The following GALNT13 variants were observed in gnomAD, a reference collection of about 807,000 sequenced individuals.
GALNT13 encodes polypeptide N-acetylgalactosaminyltransferase 13.
Under a neutral mutation model 64.2 loss-of-function variants are expected in GALNT13, and 28 were observed. That is an observed-to-expected ratio of 0.44 (90% CI 0.32 to 0.60). GALNT13 has a LOEUF of 0.60. Ranked by LOEUF, GALNT13 falls within the 20% of genes least tolerant of loss-of-function variation. GALNT13 has a pLI of 0.05. For missense variants in GALNT13, 577 were observed against 669.8 expected, an observed-to-expected ratio of 0.86 and a Z score of 1.53; for synonymous variants, 214 against 224.6, an observed-to-expected ratio of 0.95 and a Z score of 0.42.
the GALNT13 span, among the ~76,000 whole-genome samples, chr2:153,136,505 C>T: frequency 3.3e-5 from 5 of 151,964 alleles, no homozygotes; most frequent in Non-Finnish European, 5.9e-5. Flanking sequence ...AGGAGGAATG[C>T]ACAGTTAGTA....
At chr2:154,179,964 A>G (rs1293615580) in intron 4 of GALNT13, among the ~76,000 whole-genome samples, 1 of 152,146 alleles carries the variant, frequency 6.6e-6, no homozygotes, top group Non-Finnish European at 1.5e-5. Flanking sequence ...TAGCTGACTT[A>G]GAGTGCATTT....
At chr2:153,970,520 C>T (rs1425194377) in intron 3 of GALNT13, among the ~76,000 whole-genome samples, 1 of 152,160 alleles carries the variant, frequency 6.6e-6, no homozygotes. Flanking sequence ...TTAGTGATCT[C>T]TTTGAATATA....
the GALNT13 span, among the ~76,000 whole-genome samples, chr2:153,391,380 T>C: frequency 2.0e-5 from 3 of 152,086 alleles, no homozygotes; most frequent in African/African-American, 7.2e-5. Context: ...AGTCGAGCTA[T>C]GCGGCTACTC....
At chr2:153,166,429 A>G in the GALNT13 span, among the ~76,000 whole-genome samples, 1 of 152,164 alleles carries the variant, frequency 6.6e-6, no homozygotes, top group Non-Finnish European at 1.5e-5. Context: ...ATTAAAAAAC[A>G]TTCCTCCCAA....
At chr2:154,306,006 A>G (rs1039187041) in intron 9 of GALNT13, among the ~76,000 whole-genome samples, 2 of 152,148 alleles carry the variant, frequency 1.3e-5, no homozygotes, top group Non-Finnish European at 2.9e-5. Context: ...TGAATTATCC[A>G]TGGGTGTCTG....
the GALNT13 span, among the ~76,000 whole-genome samples, chr2:153,240,901 A>T: frequency 6.6e-6 from 1 of 152,104 alleles, no homozygotes; most frequent in Non-Finnish European, 1.5e-5. Context: ...GTCTTAGTTC[A>T]GATCCTTCAG....
chr2:153,275,594 A>G, the GALNT13 span, among the ~76,000 whole-genome samples: 1 of 150,860 alleles, frequency 6.6e-6, no homozygotes, highest in African/African-American at 2.4e-5. Context: ...TCTCTGTTAT[A>G]GCAGCATAAA....
At chr2:153,535,625 G>T in the GALNT13 span, among the ~76,000 whole-genome samples, 5 of 152,254 alleles carry the variant, frequency 3.3e-5, no homozygotes, top group African/African-American at 9.6e-5. Flanking sequence ...GCTGTACCTT[G>T]TAGCATTCTG....
At chr2:153,610,495 C>T in the GALNT13 span, among the ~76,000 whole-genome samples, 5 of 151,948 alleles carry the variant, frequency 3.3e-5, no homozygotes, top group African/African-American at 7.2e-5. Flanking sequence ...TCCAACATGG[C>T]GAAACCCTGT....
At chr2:153,242,006 T>G in the GALNT13 span, among the ~76,000 whole-genome samples, 3 of 152,064 alleles carry the variant, frequency 2.0e-5, no homozygotes, top group Non-Finnish European at 4.4e-5. Flanking sequence ...TGTGACCATG[T>G]GGGGATACTT....
intron 3 of GALNT13, among the ~76,000 whole-genome samples, chr2:153,998,767 T>C: frequency 6.6e-6 from 1 of 152,118 alleles, no homozygotes; most frequent in Admixed American, 6.6e-5. Context: ...GTTTTTATGG[T>C]TTTAGGTCTT....
chr2:154,023,518 C>T (rs1473203662), intron 3 of GALNT13, among the ~76,000 whole-genome samples: 1 of 152,052 alleles, frequency 6.6e-6, no homozygotes, highest in Non-Finnish European at 1.5e-5. Flanking sequence ...GATTGCAACC[C>T]CTGCCTTTTT....
At chr2:154,313,929 AC>A (rs1471759317) in intron 9 of GALNT13, among the ~76,000 whole-genome samples, 3 of 152,092 alleles carry the variant, frequency 2.0e-5, no homozygotes, top group Admixed American at 2.0e-4. Flanking sequence ...AATAAATTCT[AC>A]CCCAATTGGA....
the GALNT13 span, among the ~76,000 whole-genome samples, chr2:153,186,259 G>T: frequency 6.6e-6 from 1 of 152,000 alleles, no homozygotes; most frequent in South Asian, 2.1e-4. Context: ...AGTCTGTTTT[G>T]TCAGAAACTA....
chr2:153,152,979 A>G, the GALNT13 span, among the ~76,000 whole-genome samples: 1 of 152,090 alleles, frequency 6.6e-6, no homozygotes, highest in Non-Finnish European at 1.5e-5. Flanking sequence ...TTGAGGAATC[A>G]CCACACTGCC....
the GALNT13 span, among the ~76,000 whole-genome samples, chr2:153,300,436 C>T: frequency 2.0e-5 from 3 of 152,282 alleles, no homozygotes; most frequent in South Asian, 6.2e-4. Flanking sequence ...ATAATTGTGA[C>T]AAGACTGTCT....
the GALNT13 span, among the ~76,000 whole-genome samples, chr2:153,577,857 T>G: frequency 6.6e-6 from 1 of 150,864 alleles, no homozygotes; most frequent in Non-Finnish European, 1.5e-5. Context: ...ATATGGATAT[T>G]GAATGAACTT....
chr2:154,226,616 G>T (rs190987591), intron 4 of GALNT13, among the ~76,000 whole-genome samples: 1 of 151,980 alleles, frequency 6.6e-6, no homozygotes. Context: ...TAAACCTTGC[G>T]ATTACTATTT....
the GALNT13 span, among the ~76,000 whole-genome samples, chr2:153,334,369 A>G: frequency 3.3e-5 from 5 of 152,188 alleles, no homozygotes; most frequent in East Asian, 1.9e-4. Flanking sequence ...TGTGCTCCCA[A>G]TGAAGGTTTA....
Sources: gnomAD v4.1 joint callset for allele counts (sites outside exome capture counted in the v4.1 genomes callset) on GRCh38, gnomAD v4.1.1 for gene constraint, MANE v1.5 for transcripts, NCBI Gene and HGNC (gene_info 2026-07-23, HGNC 2026-07-21) for gene names.